GUCY1A2: variants seen among roughly 807,000 people sequenced by gnomAD.
The protein encoded by GUCY1A2 is guanylate cyclase soluble subunit alpha-2.
Under a neutral mutation model 63.5 loss-of-function variants are expected in GUCY1A2, and 27 were observed. The observed-to-expected ratio is 0.43, with a 90% confidence interval of 0.31 to 0.59. GUCY1A2 has a LOEUF of 0.59. GUCY1A2 is among the 20% of genes least tolerant of loss of function. The pLI, the probability that GUCY1A2 is intolerant of heterozygous loss-of-function variation, is 0.11. For missense variants in GUCY1A2, 768 were observed against 913.3 expected (o/e 0.84, Z 2.05); for synonymous variants, 364 against 343.5 (o/e 1.06, Z -0.66).
chr11:106,737,689 G>A (rs1863615793), intron 6 of GUCY1A2, among the ~76,000 whole-genome samples: 1 of 152,054 alleles, frequency 6.6e-6, no homozygotes, highest in South Asian at 2.1e-4. Flanking sequence ...GAGAATGATG[G>A]TTTCCAGCTT....
In GUCY1A2 at chr11:106,684,030, T is replaced by G. The variant is rs960430823; in HGVS notation, c.*3519A>C. 5.2e-6 allele frequency: 1 copy of G among 192,144 alleles called. No homozygotes were observed. Among genetic ancestry groups the G allele is most frequent in the Non-Finnish European group, 1.1e-5 (1 of 91,836 alleles). The allele number at this position is 192,144 out of a possible 1,614,324, so 11.9% of individuals were successfully genotyped here. ...TGCAAAATTAAAAGTCTTGCTCCCCTTGTGAATGAGATTTTGTTTAAGTTG... is the reference window on the plus strand; with the variant it reads ...TGCAAAATTAAAAGTCTTGCTCCCCGTGTGAATGAGATTTTGTTTAAGTTG... On this transcript the variant is annotated 3_prime_UTR_variant, in exon 8 of 8. Transcript: ENST00000526355.
At chr11:106,860,546 T>C (rs1360938352) in intron 4 of GUCY1A2, among the ~76,000 whole-genome samples, 1 of 151,954 alleles carries the variant, frequency 6.6e-6, no homozygotes, top group Admixed American at 6.6e-5. Flanking sequence ...CCATATTGTA[T>C]CTAATCTGTT....
intron 6 of GUCY1A2, among the ~76,000 whole-genome samples, chr11:106,709,646 TATATAGTTATATACACGTATAG>T (rs1863037753): frequency 3.6e-5 from 3 of 83,500 alleles, no homozygotes; most frequent in African/African-American, 2.2e-4. Flanking sequence ...ACGTATAGAA[TATATAGTTATATACACGTATAG>T]AATATATAGT....
At chr11:106,922,765 A>T (rs966463155) in intron 4 of GUCY1A2, among the ~76,000 whole-genome samples, 17 of 148,628 alleles carry the variant, frequency 1.1e-4, no homozygotes, top group Non-Finnish European at 2.5e-4. Context: ...AATATATATG[A>T]GTAGTTAATG....
At chr11:106,937,026 GACTT>G (rs1278714471) in intron 4 of GUCY1A2, among the ~76,000 whole-genome samples, 6 of 151,848 alleles carry the variant, frequency 4.0e-5, no homozygotes, top group African/African-American at 9.7e-5. Flanking sequence ...GAAATTTGAT[GACTT>G]ACTAATTTAA....
intron 4 of GUCY1A2, among the ~76,000 whole-genome samples, chr11:106,899,371 A>T (rs1020390333): frequency 2.6e-5 from 4 of 152,212 alleles, no homozygotes; most frequent in African/African-American, 9.6e-5. Flanking sequence ...TATATCCTTA[A>T]ATATAAAAGT....
At chr11:106,796,917 A>C (rs542063033) in intron 5 of GUCY1A2, among the ~76,000 whole-genome samples, 5 of 152,292 alleles carry the variant, frequency 3.3e-5, no homozygotes, top group East Asian at 1.9e-4. Flanking sequence ...CACACCAATC[A>C]GACGTAGATT....
Position 106,873,156 on chromosome 11 carries a change from A to G in GUCY1A2, c.1207-62678T>C, listed in dbSNP as rs181214107. On this transcript the variant is annotated intron_variant, in intron 4 of 7. Transcript: ENST00000526355. ...GGTATATATGTACCACATTTTCTTT[A>G]TCCGGTCTATCATTGATGGGCATTT... is the stretch of plus-strand genomic sequence containing the variant. Among the ~76,000 whole-genome samples the G allele has an allele frequency of 1.9e-3, 282 of 152,132 alleles. 2 individuals carry two copies. Among genetic ancestry groups the G allele is most frequent in the African/African-American group, 6.5e-3 (270 of 41,502 alleles).
At chr11:106,790,675 T>G (rs1224830971) in intron 5 of GUCY1A2, among the ~76,000 whole-genome samples, 2 of 152,136 alleles carry the variant, frequency 1.3e-5, no homozygotes, top group African/African-American at 4.8e-5. Context: ...TGGTGGTTAT[T>G]CAGGGCCCAA....
At chr11:106,770,217 C>T (rs1308449218) in intron 6 of GUCY1A2, among the ~76,000 whole-genome samples, 2 of 151,908 alleles carry the variant, frequency 1.3e-5, no homozygotes, top group Non-Finnish European at 2.9e-5. Context: ...GACATCCTAC[C>T]ACATTCTTTA....
At chr11:106,979,184 G>A (rs1488571314) in intron 2 of GUCY1A2, among the ~76,000 whole-genome samples, 4 of 152,220 alleles carry the variant, frequency 2.6e-5, no homozygotes, top group Admixed American at 6.5e-5. Context: ...GGCCGGGTGC[G>A]GTGGCTCACG....
chr11:106,795,269 A>T (rs1864734200), intron 5 of GUCY1A2, among the ~76,000 whole-genome samples: 1 of 152,146 alleles, frequency 6.6e-6, no homozygotes, highest in Non-Finnish European at 1.5e-5. Flanking sequence ...AACAGTCCTC[A>T]TCTGGGCTCT....
chr11:106,755,967 A>G (rs1057094289), intron 6 of GUCY1A2, among the ~76,000 whole-genome samples: 3 of 152,002 alleles, frequency 2.0e-5, no homozygotes, highest in African/African-American at 7.3e-5. Flanking sequence ...TCCGATTACT[A>G]ATGTGTGGGA....
chr11:106,747,303 G>C (rs1863807274), intron 6 of GUCY1A2, among the ~76,000 whole-genome samples: 2 of 152,142 alleles, frequency 1.3e-5, no homozygotes, highest in South Asian at 4.1e-4. Flanking sequence ...AATAATAAAT[G>C]TGAGAAATTC....
At chr11:106,712,788 T>C (rs1863142938) in intron 6 of GUCY1A2, among the ~76,000 whole-genome samples, 1 of 152,136 alleles carries the variant, frequency 6.6e-6, no homozygotes, top group Admixed American at 6.5e-5. Context: ...ATTTATGAGG[T>C]TTTCCATTCT....
chr11:106,961,339 T>C (rs191368721), intron 3 of GUCY1A2, among the ~76,000 whole-genome samples: 10 of 152,180 alleles, frequency 6.6e-5, no homozygotes, highest in Admixed American at 1.3e-4. Flanking sequence ...TTTATTCTTA[T>C]AAATAGCTTA....
At chr11:106,819,974 A>G (rs1858879890) in intron 4 of GUCY1A2, among the ~76,000 whole-genome samples, 1 of 152,216 alleles carries the variant, frequency 6.6e-6, no homozygotes, top group Admixed American at 6.5e-5. Context: ...GGTGGTTACC[A>G]GAGGCTGGGA....
At chr11:106,698,138 T>TTTTTTTTTTTTTTTTTTTTTTTTTTTA (rs1555020237) in intron 7 of GUCY1A2, among the ~76,000 whole-genome samples, 18 of 145,860 alleles carry the variant, frequency 1.2e-4, no homozygotes, top group South Asian at 2.1e-4. Flanking sequence ...TTTTTTTTTT[T>TTTTTTTTTTTTTTTTTTTTTTTTTTTA]AGACAGGGTC....
intron 6 of GUCY1A2, among the ~76,000 whole-genome samples, chr11:106,747,947 T>C (rs1037223678): frequency 5.3e-5 from 8 of 152,220 alleles, no homozygotes; most frequent in African/African-American, 1.7e-4. Context: ...ACAGCAGTGC[T>C]TGCAGATCAC....
Sources: gnomAD v4.1 joint callset for allele counts (sites outside exome capture counted in the v4.1 genomes callset) on GRCh38, gnomAD v4.1.1 for gene constraint, MANE v1.5 for transcripts, NCBI Gene and HGNC (gene_info 2026-07-23, HGNC 2026-07-21) for gene names.